Variants in MYT1L observed in about 807,000 individuals in gnomAD.
MYT1L encodes the protein myelin transcription factor 1-like protein.
Under a neutral mutation model 126.7 loss-of-function variants are expected in MYT1L, and 12 were observed. That is an observed-to-expected ratio of 0.09 (90% CI 0.06 to 0.15). The LOEUF (loss-of-function observed/expected upper bound fraction) is 0.15, where lower values mean the gene tolerates loss of function less well. Among genes scored for constraint, MYT1L ranks in the 10% least tolerant of loss-of-function variants. The pLI, the probability that MYT1L is intolerant of heterozygous loss-of-function variation, is 1.00. For missense variants in MYT1L, 979 were observed against 1,585.2 expected (o/e 0.62, Z 6.49); for synonymous variants, 541 against 604.2 (o/e 0.90, Z 1.53).
chr2:1,874,555 T>C (rs112994517), intron 18 of MYT1L, among the ~76,000 whole-genome samples: 2,039 of 152,276 alleles, frequency 0.013, 32 homozygotes, highest in African/African-American at 0.047. Flanking sequence ...TAATGGGCAA[T>C]GATGTGGCTT....
rs2053019476 is a variant in MYT1L, at chr2:1,917,536, A to G, written c.1484-197T>C. Among the ~76,000 whole-genome samples the G allele has an allele frequency of 6.6e-6, 1 of 152,172 alleles. No homozygotes were observed. The highest frequency in any genetic ancestry group is 1.5e-5 in the Non-Finnish European group (1 of 68,032). ...TTCAACCTTACACAGTATAATCATGAATCATAAAGTATTTTAATTTTTATT... is the reference window on the plus strand; with the variant it reads ...TTCAACCTTACACAGTATAATCATGGATCATAAAGTATTTTAATTTTTATT... On this transcript the variant is annotated intron_variant, in intron 10 of 24. Coordinates refer to ENST00000647738, the MANE Select transcript of MYT1L (RefSeq NM_001303052.2). The surrounding 1 kb of genome is among the most constrained non-coding windows in gnomAD (Gnocchi z 5.9).
chr2:2,154,885 G>C (rs542827912), intron 3 of MYT1L, among the ~76,000 whole-genome samples: 2 of 152,282 alleles, frequency 1.3e-5, no homozygotes, highest in Non-Finnish European at 1.5e-5. Context: ...CCAACACTTT[G>C]GGAGGCTGAG....
intron 2 of MYT1L, among the ~76,000 whole-genome samples, chr2:2,198,781 C>G (rs1234876302): frequency 6.6e-6 from 1 of 152,034 alleles, no homozygotes; most frequent in Non-Finnish European, 1.5e-5. Context: ...TCGCTTGAAC[C>G]CAGGAGGCAG....
chr2:2,329,514 A>G (rs1407752448), intron 1 of MYT1L, among the ~76,000 whole-genome samples: 2 of 152,182 alleles, frequency 1.3e-5, no homozygotes, highest in African/African-American at 4.8e-5. Flanking sequence ...AATCTTCATA[A>G]TCTATCAGAA....
chr2:1,849,655 C>T (rs1300128172), intron 19 of MYT1L, among the ~76,000 whole-genome samples: 2 of 152,218 alleles, frequency 1.3e-5, no homozygotes, highest in Non-Finnish European at 2.9e-5. Context: ...AGCCATCTGC[C>T]CCCACTTGCC....
intron 13 of MYT1L, among the ~76,000 whole-genome samples, chr2:1,909,107 CTAAA>C (rs1482832367): frequency 6.6e-6 from 1 of 152,102 alleles, no homozygotes; most frequent in African/African-American, 2.4e-5. Flanking sequence ...GAGATTTATC[CTAAA>C]TAAATAATTT....
chr2:1,817,854 G>A lies in MYT1L; in HGVS notation c.3081-8687C>T, dbSNP rs113459568. 1.4e-3 allele frequency among the ~76,000 whole-genome samples: 217 copies of A among 152,322 alleles called. 1 individual carries two copies. Among genetic ancestry groups the A allele is most frequent in the African/African-American group, 5.1e-3 (210 of 41,572 alleles). ...GTTAGTTCTGAACCTGAGACCCAGC[G>A]GCCTGTTACAGAAACGCTTCTCCAA... On this transcript the variant is annotated intron_variant, in intron 21 of 24. Coordinates refer to ENST00000647738, the MANE Select transcript of MYT1L (RefSeq NM_001303052.2).
rs1558612350 is a variant in MYT1L at position 1,979,273 on chromosome 2, T to C, written c.90-46A>G. ...TTACACGGTGCCGCAGGCAGGCAGG[T>C]GAGACGGAAAGCTTCCGTGGCAGCA... On this transcript the variant is annotated intron_variant, in intron 7 of 24. Coordinates refer to ENST00000647738, the MANE Select transcript of MYT1L (RefSeq NM_001303052.2). This position sits in a 1 kb window ranked among gnomAD's most constrained non-coding sequence, Gnocchi z 4.0. 14 of 1,559,952 alleles carry C rather than the reference T, an allele frequency of 9.0e-6. No homozygotes were observed. Among genetic ancestry groups the C allele is most frequent in the Non-Finnish European group, 1.1e-5 (13 of 1,133,744 alleles).
chr2:2,312,937 G>A (rs1450826201), intron 1 of MYT1L, among the ~76,000 whole-genome samples: 2 of 152,126 alleles, frequency 1.3e-5, no homozygotes, highest in Admixed American at 1.3e-4. Flanking sequence ...TTGGCTACTT[G>A]ATGAATTAGC....
chr2:2,182,870 T>C (rs75318197), intron 2 of MYT1L, among the ~76,000 whole-genome samples: 6,163 of 152,198 alleles, frequency 0.04, 202 homozygotes, highest in South Asian at 0.13. Context: ...AGCCTGGGCC[T>C]CCAGGCAGGA....
chr2:2,092,122 T>C (rs1388627725), intron 3 of MYT1L, among the ~76,000 whole-genome samples: 1 of 152,244 alleles, frequency 6.6e-6, no homozygotes, highest in Non-Finnish European at 1.5e-5. Flanking sequence ...ACAAGAAATC[T>C]AGCTTTTGAC....
chr2:2,154,275 T>C (rs113585502), intron 3 of MYT1L, among the ~76,000 whole-genome samples: 13 of 152,296 alleles, frequency 8.5e-5, no homozygotes, highest in African/African-American at 2.9e-4. Flanking sequence ...TGAGCTACTT[T>C]ACCTGAATGA....
At chr2:1,802,776 C>T (rs1436043716) in intron 22 of MYT1L, among the ~76,000 whole-genome samples, 2 of 152,230 alleles carry the variant, frequency 1.3e-5, no homozygotes, top group Non-Finnish European at 2.9e-5. Flanking sequence ...ACCACTTGAC[C>T]TCACACAATT....
chr2:1,807,723 CT>C (rs150679880), intron 22 of MYT1L, among the ~76,000 whole-genome samples: 4,903 of 152,252 alleles, frequency 0.032, 106 homozygotes, highest in East Asian at 0.072. Flanking sequence ...TATAAAGTTA[CT>C]GCACACAGGC....
chr2:1,978,351 T>C (rs1401787973), intron 8 of MYT1L, among the ~76,000 whole-genome samples: 2 of 152,220 alleles, frequency 1.3e-5, no homozygotes, highest in African/African-American at 2.4e-5. Context: ...AAGTAAAACA[T>C]ACTTTAGCCT....
chr2:1,971,556 C>A (rs1371361940), intron 8 of MYT1L, among the ~76,000 whole-genome samples: 4 of 152,108 alleles, frequency 2.6e-5, no homozygotes, highest in African/African-American at 9.7e-5. Flanking sequence ...CATGGTGAAA[C>A]CCCATCTCTA....
At chr2:2,015,004 G>A (rs985467) in intron 4 of MYT1L, among the ~76,000 whole-genome samples, 2,319 of 152,252 alleles carry the variant, frequency 0.015, 52 homozygotes, top group African/African-American at 0.049. Flanking sequence ...GTGACACAGC[G>A]TTAAAATCAA....
intron 4 of MYT1L, among the ~76,000 whole-genome samples, chr2:2,050,241 C>T (rs889853318): frequency 1.3e-5 from 2 of 152,144 alleles, no homozygotes; most frequent in Non-Finnish European, 2.9e-5. Flanking sequence ...TACCTGATGA[C>T]ATTTGCTCAC....
At chr2:2,013,171 G>A (rs1029813051) in intron 4 of MYT1L, among the ~76,000 whole-genome samples, 1 of 152,094 alleles carries the variant, frequency 6.6e-6, no homozygotes, top group African/African-American at 2.4e-5. Context: ...ATATTCATGC[G>A]ATGTCTCAAG....
Sources: gnomAD v4.1 joint callset for allele counts (sites outside exome capture counted in the v4.1 genomes callset) on GRCh38, gnomAD v4.1.1 for gene constraint, Gnocchi (gnomAD v3.1) non-coding constraint, MANE v1.5 for transcripts, NCBI Gene and HGNC (gene_info 2026-07-23, HGNC 2026-07-21) for gene names.